ARHGAP44: variants seen among roughly 807,000 people sequenced by gnomAD.
The protein encoded by ARHGAP44 is Rho GTPase activating protein 44.
In ARHGAP44, 43 loss-of-function variants were observed where a neutral mutation model predicts 106.8. The observed-to-expected ratio is 0.40, with a 90% confidence interval of 0.32 to 0.52. The LOEUF (loss-of-function observed/expected upper bound fraction) is 0.52. ARHGAP44 is among the 20% of genes least tolerant of loss of function. The probability of loss-of-function intolerance (pLI) is 0.48; values close to 1 mark genes in which losing one functional copy is unlikely to be tolerated. For synonymous variants in ARHGAP44, 439 were observed against 410.3 expected, an observed-to-expected ratio of 1.07 and a Z score of -0.85; for missense variants, 866 against 1,050.5, an observed-to-expected ratio of 0.82 and a Z score of 2.43.
chr17:12,965,981 C>T (rs566671684), intron 16 of ARHGAP44, among the ~76,000 whole-genome samples: 2 of 152,174 alleles, frequency 1.3e-5, no homozygotes, highest in Admixed American at 1.3e-4. Context: ...AGTGAGACAT[C>T]ATCTATACAA....
At chr17:12,789,968 C>T in intron 1 of ARHGAP44, 77 bp downstream of exon 1, 6 of 1,362,406 alleles carry the variant, frequency 4.4e-6, no homozygotes, top group Admixed American at 2.8e-5. Flanking sequence ...TGATGGAGCC[C>T]GCCCAGCCTC....
At chr17:12,952,712 T>C in intron 13 of ARHGAP44, 131 bp downstream of exon 13, 1 of 501,322 alleles carries the variant, frequency 2.0e-6, no homozygotes, top group Non-Finnish European at 3.5e-6. Context: ...ATTATTAACA[T>C]GCATGGTCTC....
chr17:12,923,702 C>A (rs1289031918), intron 6 of ARHGAP44, among the ~76,000 whole-genome samples: 1 of 152,142 alleles, frequency 6.6e-6, no homozygotes, highest in Non-Finnish European at 1.5e-5. Flanking sequence ...TCTTTGTTTC[C>A]GCTTTACTCT....
chr17:12,956,045 G>A (rs2039119175), intron 14 of ARHGAP44, 65 bp downstream of exon 14: 3 of 1,236,020 alleles, frequency 2.4e-6, no homozygotes, highest in East Asian at 2.4e-5. Context: ...AGCAGGGTGG[G>A]CAGGACAGCT....
At chr17:12,811,978 T>A (rs1410530150) in intron 1 of ARHGAP44, among the ~76,000 whole-genome samples, 1 of 152,216 alleles carries the variant, frequency 6.6e-6, no homozygotes, top group Non-Finnish European at 1.5e-5. Context: ...ATTCACATTC[T>A]CAGGTTCCTG....
intron 5 of ARHGAP44, among the ~76,000 whole-genome samples, chr17:12,916,368 G>A (rs921923903): frequency 4.0e-5 from 6 of 151,050 alleles, no homozygotes; most frequent in South Asian, 2.1e-4. Flanking sequence ...GATTCTGGGG[G>A]CCCAGGCCTC....
rs1597840233 is a variant in ARHGAP44 at position 12,789,704 on chromosome 17, G to A, written c.-135G>A. On this transcript the variant is annotated 5_prime_UTR_variant, in exon 1 of 21. Transcript: ENST00000379672. ...TCGGGAGGGAGCTGCGCGCGGGCCA[G>A]ACGGCGCCCGGAGGCTCCGCAGTGC... 2 of 721,374 alleles carry A rather than the reference G, an allele frequency of 2.8e-6. No individual in the cohort carries two copies. Among genetic ancestry groups the A allele is most frequent in the Non-Finnish European group, 2.0e-6 (1 of 511,270 alleles). The allele number at this position is 721,374 out of a possible 1,614,324, so 44.7% of individuals were successfully genotyped here.
intron 7 of ARHGAP44, among the ~76,000 whole-genome samples, chr17:12,930,134 A>T (rs1208966479): frequency 6.6e-6 from 1 of 152,194 alleles, no homozygotes; most frequent in Non-Finnish European, 1.5e-5. Context: ...ACTCCTGCAT[A>T]TATGCCAAAT....
intron 18 of ARHGAP44, among the ~76,000 whole-genome samples, chr17:12,976,477 G>A (rs1200793121): frequency 6.6e-6 from 1 of 152,088 alleles, no homozygotes; most frequent in East Asian, 1.9e-4. Flanking sequence ...GCTGGGTGCA[G>A]TGGTATATGT....
chr17:12,904,136 T>C (rs986993617), intron 3 of ARHGAP44, among the ~76,000 whole-genome samples: 4 of 152,154 alleles, frequency 2.6e-5, no homozygotes, highest in African/African-American at 9.7e-5. Flanking sequence ...TGAGACAGTC[T>C]CGTTCTGTCA....
intron 18 of ARHGAP44, among the ~76,000 whole-genome samples, chr17:12,978,978 A>G (rs35835556): frequency 0.4 from 60,592 of 151,950 alleles, 12,510 homozygotes; most frequent in Non-Finnish European, 0.46. Flanking sequence ...ATGAGCCACC[A>G]TGCCCGGCCC....
chr17:12,895,198 C>A, intron 2 of ARHGAP44, among the ~76,000 whole-genome samples: 1 of 108,430 alleles, frequency 9.2e-6, no homozygotes, highest in South Asian at 2.7e-4. Context: ...AGCCATCCCT[C>A]GATGTGGTTA....
chr17:12,905,263 G>C (rs1399758865), intron 3 of ARHGAP44, among the ~76,000 whole-genome samples: 4 of 152,056 alleles, frequency 2.6e-5, no homozygotes, highest in African/African-American at 9.7e-5. Flanking sequence ...TATGCTCCTT[G>C]TTAAAATTAA....
intron 1 of ARHGAP44, among the ~76,000 whole-genome samples, chr17:12,802,961 A>G (rs1363852944): frequency 2.7e-4 from 6 of 21,902 alleles, no homozygotes; most frequent in East Asian, 1.4e-3. Context: ...ATATATATAT[A>G]TATATATATT....
Position 12,801,587 on chromosome 17 carries a change from TTAAG to T in ARHGAP44, c.53+11700_53+11703del, listed in dbSNP as rs1330094628. 2.4e-4 allele frequency among the ~76,000 whole-genome samples: 37 copies of T among 152,310 alleles called. 1 individual carries two copies. Among genetic ancestry groups the T allele is most frequent in the Admixed American group, 2.1e-3 (32 of 15,302 alleles). On this transcript the variant is annotated intron_variant, in intron 1 of 20. Transcript: ENST00000379672. ...GAAATGTCTAATATTAATGGAATGA[TTAAG>T]TAAATTCTGGTACATTTGCACAATT...
intron 1 of ARHGAP44, among the ~76,000 whole-genome samples, chr17:12,814,575 G>A (rs1182378104): frequency 6.6e-6 from 1 of 151,982 alleles, no homozygotes; most frequent in Non-Finnish European, 1.5e-5. Flanking sequence ...TGTACCCGGA[G>A]CAGATATAGA....
chr17:12,949,583 C>A lies in ARHGAP44; in HGVS notation c.974-66C>A. 1 of 1,478,862 alleles carries A rather than the reference C, an allele frequency of 6.8e-7. No individual in the cohort carries two copies. 91.6% of individuals were successfully genotyped at this position (1,478,862 alleles called of 1,614,324 possible). A position where few individuals can be genotyped will look rare whatever the true frequency, so the allele number is the denominator to read the frequency against. On this transcript the variant is annotated intron_variant, in intron 11 of 20. Transcript: ENST00000379672. This position sits in a 1 kb window ranked among gnomAD's most constrained non-coding sequence, Gnocchi z 4.1. ...CCAGATGGAACCCACATAGGCAGTGCTGGCTGGTGGGTCTTGCCTCTGCCA... is the reference window on the plus strand; with the variant it reads ...CCAGATGGAACCCACATAGGCAGTGATGGCTGGTGGGTCTTGCCTCTGCCA...
chr17:12,803,685 C>T (rs1254022376), intron 1 of ARHGAP44, among the ~76,000 whole-genome samples: 1 of 152,094 alleles, frequency 6.6e-6, no homozygotes, highest in Non-Finnish European at 1.5e-5. Flanking sequence ...TTTGCAGGGA[C>T]TCCTTTCTTT....
chr17:12,796,551 C>T (rs892421303), intron 1 of ARHGAP44, among the ~76,000 whole-genome samples: 1 of 152,166 alleles, frequency 6.6e-6, no homozygotes, highest in African/African-American at 2.4e-5. Flanking sequence ...GTGTGCAACA[C>T]CATACCTGAC....
Sources: gnomAD v4.1 joint callset for allele counts (sites outside exome capture counted in the v4.1 genomes callset) on GRCh38, gnomAD v4.1.1 for gene constraint, Gnocchi (gnomAD v3.1) non-coding constraint, MANE v1.5 for transcripts, NCBI Gene and HGNC (gene_info 2026-07-23, HGNC 2026-07-21) for gene names.